Variants in GRIK4 observed in about 807,000 individuals in gnomAD.
The protein encoded by GRIK4 is glutamate receptor ionotropic, kainate 4.
In GRIK4, 40 loss-of-function variants were observed where a neutral mutation model predicts 104.9. That is an observed-to-expected ratio of 0.38 (90% CI 0.30 to 0.50). The LOEUF (loss-of-function observed/expected upper bound fraction) is 0.50, where lower values mean the gene tolerates loss of function less well. Among genes scored for constraint, GRIK4 ranks in the 20% least tolerant of loss-of-function variants. The pLI, the probability that GRIK4 is intolerant of heterozygous loss-of-function variation, is 0.93. For synonymous variants in GRIK4, 485 were observed against 524.9 expected (o/e 0.92, Z 1.04); for missense variants, 1,047 against 1,308.1 (o/e 0.80, Z 3.08).
At chr11:120,540,860 C>T (rs1340101029) in intron 1 of GRIK4, among the ~76,000 whole-genome samples, 4 of 152,010 alleles carry the variant, frequency 2.6e-5, no homozygotes, top group Non-Finnish European at 4.4e-5. Flanking sequence ...GCCTGTAATC[C>T]CAGCACTTTG....
intron 3 of GRIK4, among the ~76,000 whole-genome samples, chr11:120,714,946 T>G (rs1950801136): frequency 6.6e-6 from 1 of 151,828 alleles, no homozygotes; most frequent in South Asian, 2.1e-4. Context: ...GATTTCTATT[T>G]TGGAGAGACT....
intron 1 of GRIK4, among the ~76,000 whole-genome samples, chr11:120,550,919 T>G (rs1591688614): frequency 6.6e-6 from 1 of 151,646 alleles, no homozygotes; most frequent in Non-Finnish European, 1.5e-5. Flanking sequence ...CAGGGCTGAG[T>G]GGGGTCTTTC....
At chr11:120,592,916 T>C (rs1274860775) in intron 1 of GRIK4, among the ~76,000 whole-genome samples, 2 of 152,044 alleles carry the variant, frequency 1.3e-5, no homozygotes, top group Non-Finnish European at 2.9e-5. Context: ...GGTGTGGTGG[T>C]TCACACCTGT....
At chr11:120,901,761 G>A (rs923115208) in intron 12 of GRIK4, among the ~76,000 whole-genome samples, 1 of 152,172 alleles carries the variant, frequency 6.6e-6, no homozygotes, top group Admixed American at 6.5e-5. Context: ...CACCGTGCTT[G>A]GAGTTCTGGC....
intron 13 of GRIK4, among the ~76,000 whole-genome samples, chr11:120,934,231 AG>A (rs1394410488): frequency 7.0e-6 from 1 of 142,692 alleles, no homozygotes; most frequent in African/African-American, 2.7e-5. Context: ...AAAAAAAAAA[AG>A]GTCAGCGTCA....
intron 9 of GRIK4, among the ~76,000 whole-genome samples, chr11:120,866,965 G>C (rs1954435154): frequency 6.6e-6 from 1 of 152,130 alleles, no homozygotes; most frequent in African/African-American, 2.4e-5. Flanking sequence ...ACAGTTAAGA[G>C]TGGTCATGTA....
chr11:120,874,153 C>A lies in GRIK4; in HGVS notation c.994C>A (p.Pro332Thr). The A allele has an allele frequency of 6.2e-7, 1 of 1,613,910 alleles. No individual in the cohort carries two copies. Among genetic ancestry groups the A allele is most frequent in the Non-Finnish European group, 8.5e-7 (1 of 1,179,956 alleles). The part of the protein sequence containing the change: ...LNRSQEIGVK[P>T]LSCGSAQIWQ... ...CCGGAGCCAAGAGATCGGCGTGAAG[C>A]CCTTGTCCTGCGGCTCGGCCCAGAT... Residue 332 changes from proline (P) to threonine (T), a missense_variant, in exon 10 of 21, where the codon CCC becomes ACC. This residue lies in a region of GRIK4 where 447 missense variants were observed against 514.9 expected (regional missense o/e 0.87). Transcript: ENST00000527524.
intron 1 of GRIK4, among the ~76,000 whole-genome samples, chr11:120,526,412 C>T (rs1201892721): frequency 1.3e-5 from 2 of 152,154 alleles, no homozygotes; most frequent in Admixed American, 6.5e-5. Context: ...TATGTTGCCC[C>T]GGCTTGAACT....
intron 3 of GRIK4, among the ~76,000 whole-genome samples, chr11:120,763,390 C>T (rs938597185): frequency 6.6e-6 from 1 of 152,106 alleles, no homozygotes; most frequent in Non-Finnish European, 1.5e-5. Context: ...TTTCAAAAAA[C>T]CAGTTCCTGG....
chr11:120,833,981 G>T (rs1953504905), intron 7 of GRIK4, among the ~76,000 whole-genome samples: 1 of 152,114 alleles, frequency 6.6e-6, no homozygotes, highest in South Asian at 2.1e-4. Flanking sequence ...TCACTTTATT[G>T]TTGGAGATAC....
chr11:120,950,137 G>A (rs910047567), intron 14 of GRIK4, among the ~76,000 whole-genome samples: 3 of 152,156 alleles, frequency 2.0e-5, no homozygotes, highest in South Asian at 2.1e-4. Flanking sequence ...AGACAGCATG[G>A]ATTTAGCCTA....
At chr11:120,599,842 G>A (rs1284074204) in intron 1 of GRIK4, among the ~76,000 whole-genome samples, 1 of 152,246 alleles carries the variant, frequency 6.6e-6, no homozygotes, top group Non-Finnish European at 1.5e-5. Flanking sequence ...ACTCACCCGA[G>A]CAAGGAGCAA....
At position 120,956,698 on chromosome 11, in the gene GRIK4, G is replaced by A. The variant is rs1460610930; in HGVS notation, c.1701-82G>A. 2 of 1,071,762 alleles carry A rather than the reference G, an allele frequency of 1.9e-6. No individual in the cohort carries two copies. Among genetic ancestry groups the A allele is most frequent in the Non-Finnish European group, 2.6e-6 (2 of 783,260 alleles). 66.4% of individuals were successfully genotyped at this position (1,071,762 alleles called of 1,614,324 possible). A position where few individuals can be genotyped will look rare whatever the true frequency, so the allele number is the denominator to read the frequency against. ...CCAAGGCCACAGGCCGGTCTCAGAG[G>A]TGAGACCAGCCAGGAGAGCCTGCCT... On this transcript the variant is annotated intron_variant, in intron 15 of 20. Coordinates refer to ENST00000527524, the MANE Select transcript of GRIK4 (RefSeq NM_014619.5). The surrounding 1 kb of genome is among the most constrained non-coding windows in gnomAD (Gnocchi z 4.6).
intron 3 of GRIK4, among the ~76,000 whole-genome samples, chr11:120,716,044 T>TGGA (rs1950826690): frequency 6.6e-6 from 1 of 152,040 alleles, no homozygotes; most frequent in East Asian, 1.9e-4. Context: ...ACAGGCAGGC[T>TGGA]GGAGCCTGAT....
At chr11:120,981,171 G>T (rs1000532916) in intron 19 of GRIK4, among the ~76,000 whole-genome samples, 2 of 152,168 alleles carry the variant, frequency 1.3e-5, no homozygotes, top group Non-Finnish European at 2.9e-5. Flanking sequence ...AGGGTGTTTT[G>T]TGTTTGGGTT....
chr11:120,722,282 A>T (rs1041455246), intron 3 of GRIK4, among the ~76,000 whole-genome samples: 1 of 152,176 alleles, frequency 6.6e-6, no homozygotes, highest in Admixed American at 6.5e-5. Flanking sequence ...TTCCGCCATG[A>T]TGGAGGTAAT....
At chr11:120,642,363 C>T (rs1949480816) in intron 1 of GRIK4, among the ~76,000 whole-genome samples, 1 of 152,110 alleles carries the variant, frequency 6.6e-6, no homozygotes, top group Non-Finnish European at 1.5e-5. Flanking sequence ...AAACAGGTCA[C>T]TGAGCCAGTA....
intron 11 of GRIK4, among the ~76,000 whole-genome samples, chr11:120,881,510 A>C (rs561826812): frequency 1.6e-4 from 25 of 152,288 alleles, no homozygotes; most frequent in African/African-American, 6.0e-4. Context: ...AGCTTATATC[A>C]ACCCAGCTTT....
At chr11:120,668,555 T>G (rs1442743771) in intron 3 of GRIK4, among the ~76,000 whole-genome samples, 7 of 152,204 alleles carry the variant, frequency 4.6e-5, no homozygotes, top group African/African-American at 1.4e-4. Context: ...TGACTGGTCC[T>G]CTAGGGTAGT....
Sources: allele counts gnomAD v4.1 joint callset (sites outside exome capture counted in the v4.1 genomes callset), GRCh38; gene constraint gnomAD v4.1.1; regional missense constraint gnomAD v4.1.1; non-coding constraint Gnocchi (gnomAD v3.1); transcripts MANE v1.5; gene names NCBI Gene and HGNC (gene_info 2026-07-23, HGNC 2026-07-21).